Variants in OLA1 observed in about 807,000 individuals in gnomAD.
OLA1 encodes obg-like ATPase 1.
Under a neutral mutation model 48.4 loss-of-function variants are expected in OLA1, and 14 were observed. The ratio of observed to expected loss-of-function variants is 0.29; its 90% CI spans 0.19 to 0.45. The LOEUF (loss-of-function observed/expected upper bound fraction) is 0.45, where lower values mean the gene tolerates loss of function less well. OLA1 is among the 20% of genes least tolerant of loss of function. The pLI is 1.00. For synonymous variants in OLA1, 127 were observed against 150.4 expected (o/e 0.84, Z 1.14); for missense variants, 325 against 467.1 (o/e 0.70, Z 2.80).
rs1684808427 is a variant in OLA1, at chr2:174,079,079, C to T, written c.978G>A (p.Lys326=). 6.3e-7 allele frequency: 1 copy of T among 1,591,734 alleles called. No individual in the cohort carries two copies. The highest frequency in any genetic ancestry group is 1.4e-5 in the African/African-American group (1 of 73,456). ...GAATCTTTCCTGCAGCCTGAGGAGC[C>T]TTAGTCCCTTTCTTTGAAAAGAAAG... ...VRAWTIRKGT[K]APQAAGKIHT... The change falls in exon 10 of 11, where the codon AAG becomes AAA. Residue 326 remains lysine (K), a synonymous_variant. Coordinates refer to ENST00000284719, the MANE Select transcript of OLA1 (RefSeq NM_013341.5).
chr2:174,199,159 C>T (rs1687938542), intron 4 of OLA1, among the ~76,000 whole-genome samples: 1 of 152,152 alleles, frequency 6.6e-6, no homozygotes, highest in African/African-American at 2.4e-5. Context: ...GGGTTGCAAG[C>T]TGAACTGGCC....
At chr2:174,211,723 T>C (rs1688248543) in intron 4 of OLA1, among the ~76,000 whole-genome samples, 2 of 152,196 alleles carry the variant, frequency 1.3e-5, no homozygotes, top group Admixed American at 1.3e-4. Flanking sequence ...TTTTTTTCTA[T>C]GCTTATAGTA....
At chr2:174,171,203 C>CT (rs1292473781) in intron 4 of OLA1, among the ~76,000 whole-genome samples, 1 of 152,094 alleles carries the variant, frequency 6.6e-6, no homozygotes, top group African/African-American at 2.4e-5. Flanking sequence ...ACGCCCTTCT[C>CT]TTAACTAAAT....
chr2:174,201,037 C>T (rs563297925), intron 4 of OLA1, among the ~76,000 whole-genome samples: 27 of 152,320 alleles, frequency 1.8e-4, no homozygotes, highest in African/African-American at 6.5e-4. Flanking sequence ...TACAACTTGT[C>T]TGACTAAAGA....
chr2:174,213,183 T>C (rs2105442623), intron 4 of OLA1, among the ~76,000 whole-genome samples: 1 of 152,298 alleles, frequency 6.6e-6, no homozygotes, highest in Admixed American at 6.5e-5. Flanking sequence ...CTATAACTAA[T>C]TATATACCAG....
Position 174,082,032 on chromosome 2 carries a change from T to C in OLA1, c.761A>G (p.Tyr254Cys), listed in dbSNP as rs11558990. ...LIKIKEWVDK[Y>C]DPGALVIPFS... Reference sequence around the variant, plus strand: ...AGGAATGACCAAAGCACCTGGGTCATACTTGTCCACCCACTCTTTAATTTT... The same window carrying C: ...AGGAATGACCAAAGCACCTGGGTCACACTTGTCCACCCACTCTTTAATTTT... Residue 254 changes from tyrosine (Y) to cysteine (C), a missense_variant, in exon 8 of 11, where the codon TAT becomes TGT. Coordinates refer to ENST00000284719, the MANE Select transcript of OLA1 (RefSeq NM_013341.5). 287,102 of 1,612,958 alleles carry C rather than the reference T, an allele frequency of 0.18. 27,567 individuals are homozygous for C. The highest frequency in any genetic ancestry group is 0.22 in the Middle Eastern group (1,313 of 6,052).
chr2:174,185,733 G>T (rs900528421), intron 4 of OLA1, among the ~76,000 whole-genome samples: 7 of 152,110 alleles, frequency 4.6e-5, no homozygotes, highest in African/African-American at 1.7e-4. Flanking sequence ...TTCAAGACCA[G>T]CCTGGCCAAC....
chr2:174,247,020 AAG>A (rs1241573380), intron 1 of OLA1: 1 of 360,640 alleles, frequency 2.8e-6, no homozygotes, highest in Non-Finnish European at 5.0e-6. Context: ...CCGTTGTCAA[AAG>A]AGTCATTGCT....
intron 5 of OLA1, among the ~76,000 whole-genome samples, chr2:174,130,437 T>C (rs1311568782): frequency 6.6e-6 from 1 of 152,166 alleles, no homozygotes; most frequent in African/African-American, 2.4e-5. Context: ...CTGCCAATTG[T>C]AGGCTTTCAG....
chr2:174,223,765 C>CAAA (rs71021680), intron 3 of OLA1, among the ~76,000 whole-genome samples: 86 of 73,312 alleles, frequency 1.2e-3, no homozygotes, highest in Non-Finnish European at 1.5e-3. Flanking sequence ...GTTATATAGA[C>CAAA]AAAAAAAAAA....
chr2:174,149,867 A>G (rs1396532671), intron 4 of OLA1, among the ~76,000 whole-genome samples: 3 of 152,258 alleles, frequency 2.0e-5, no homozygotes, highest in Non-Finnish European at 4.4e-5. Flanking sequence ...TCTAACCTGA[A>G]GGACTTCAGA....
chr2:174,242,465 A>G (rs116454778), intron 2 of OLA1, among the ~76,000 whole-genome samples: 32 of 152,162 alleles, frequency 2.1e-4, no homozygotes, highest in South Asian at 2.1e-3. Flanking sequence ...CACGCCACAG[A>G]TCGGTACCAG....
chr2:174,180,662 C>A (rs1342229254), intron 4 of OLA1, among the ~76,000 whole-genome samples: 1 of 152,184 alleles, frequency 6.6e-6, no homozygotes, highest in East Asian at 1.9e-4. Flanking sequence ...TTGAGGAGAA[C>A]CCTTTTCTAC....
At chr2:174,112,157 A>G (rs1685668963) in intron 7 of OLA1, among the ~76,000 whole-genome samples, 1 of 152,212 alleles carries the variant, frequency 6.6e-6, no homozygotes, top group African/African-American at 2.4e-5. Context: ...CACATTTCTC[A>G]GGCCTTGTCT....
rs139856484 is a variant in OLA1 at position 174,224,750 on chromosome 2, T to C, written c.246-1590A>G. Among the ~76,000 whole-genome samples the C allele has an allele frequency of 2.4e-3, 373 of 152,288 alleles. 2 individuals carry two copies. Among genetic ancestry groups the C allele is most frequent in the African/African-American group, 8.6e-3 (359 of 41,562 alleles). ...TTCACTCTGAACATGGATGAGAAAG[T>C]ACACAGATCTATCCTGTGACCACAA... On this transcript the variant is annotated intron_variant, in intron 3 of 10. Coordinates refer to ENST00000284719, the MANE Select transcript of OLA1 (RefSeq NM_013341.5).
intron 5 of OLA1, among the ~76,000 whole-genome samples, chr2:174,130,359 G>A (rs1686153014): frequency 6.6e-6 from 1 of 152,176 alleles, no homozygotes; most frequent in African/African-American, 2.4e-5. Context: ...CGTGTATGGG[G>A]GTGAGGGGAA....
chr2:174,129,503 T>TAAA (rs1426516669), intron 5 of OLA1, among the ~76,000 whole-genome samples: 5 of 139,346 alleles, frequency 3.6e-5, no homozygotes, highest in East Asian at 4.1e-4. Context: ...AAATAAATAA[T>TAAA]ATTTATGGCA....
chr2:174,195,691 T>C (rs1000351632), intron 4 of OLA1, among the ~76,000 whole-genome samples: 4 of 152,226 alleles, frequency 2.6e-5, no homozygotes, highest in African/African-American at 4.8e-5. Context: ...CCAACTATTA[T>C]TGAGGTTTAG....
intron 2 of OLA1, among the ~76,000 whole-genome samples, chr2:174,231,735 T>C (rs1688733084): frequency 1.3e-5 from 2 of 152,168 alleles, no homozygotes; most frequent in South Asian, 4.1e-4. Flanking sequence ...ACCCAAGTCA[T>C]CTGTAGCTTC....
Sources: gnomAD v4.1 joint callset for allele counts (sites outside exome capture counted in the v4.1 genomes callset) on GRCh38, gnomAD v4.1.1 for gene constraint, MANE v1.5 for transcripts, NCBI Gene and HGNC (gene_info 2026-07-23, HGNC 2026-07-21) for gene names.